The following SLC22A23 variants were observed in gnomAD, a reference collection of about 807,000 sequenced individuals.
SLC22A23 encodes the protein solute carrier family 22 member 23, also known as ion transporter protein.
Under a neutral mutation model 61.0 loss-of-function variants are expected in SLC22A23, and 26 were observed. That is an observed-to-expected ratio of 0.43 (90% CI 0.31 to 0.59). SLC22A23 has a LOEUF of 0.59. Ranked by LOEUF, SLC22A23 falls within the 20% of genes least tolerant of loss-of-function variation. The pLI is 0.11. For synonymous variants in SLC22A23, 430 were observed against 413.9 expected, an observed-to-expected ratio of 1.04 and a Z score of -0.47; for missense variants, 796 against 934.7, an observed-to-expected ratio of 0.85 and a Z score of 1.94.
intron 1 of SLC22A23, among the ~76,000 whole-genome samples, chr6:3,430,722 C>T (rs533140518): frequency 3.3e-4 from 50 of 152,216 alleles, no homozygotes; most frequent in Non-Finnish European, 5.9e-4. Flanking sequence ...GCCAGGAAGA[C>T]CAGAAGGGAT....
chr6:3,369,449 G>A (rs1445823784), intron 3 of SLC22A23, among the ~76,000 whole-genome samples: 1 of 152,256 alleles, frequency 6.6e-6, no homozygotes, highest in East Asian at 1.9e-4. Flanking sequence ...CCAGCACTTC[G>A]GGAGGCCAAG....
chr6:3,405,211 A>G (rs1001983532), intron 3 of SLC22A23, among the ~76,000 whole-genome samples: 1 of 151,962 alleles, frequency 6.6e-6, no homozygotes. Context: ...TAGCGAGCTG[A>G]GATGGCACCA....
At chr6:3,361,296 CTTT>C (rs60401285) in intron 3 of SLC22A23, among the ~76,000 whole-genome samples, 5,016 of 144,948 alleles carry the variant, frequency 0.035, 124 homozygotes, top group African/African-American at 0.076. Context: ...CTACATCATT[CTTT>C]TTTTTTTTTT....
Position 3,297,990 on chromosome 6 carries a change from C to T in SLC22A23, c.1210+101G>A. 2 of 1,356,678 alleles carry T rather than the reference C, an allele frequency of 1.5e-6. No individual in the cohort carries two copies. Among genetic ancestry groups the T allele is most frequent in the Non-Finnish European group, 1.9e-6 (2 of 1,036,848 alleles). The allele number at this position is 1,356,678 out of a possible 1,614,324, so 84.0% of individuals were successfully genotyped here. On this transcript the variant is annotated intron_variant, in intron 5 of 9. Transcript: ENST00000406686. The surrounding 1 kb of genome is among the most constrained non-coding windows in gnomAD (Gnocchi z 4.3). ...GCCAAAAGGTCACAGGAGAATTGCA[C>T]AGCTGGTTAAAACAGCTGTTTGTGC...
chr6:3,277,612 C>T (rs894431465), intron 9 of SLC22A23, among the ~76,000 whole-genome samples: 3 of 152,200 alleles, frequency 2.0e-5, no homozygotes, highest in Non-Finnish European at 2.9e-5. Context: ...CATTGCGTGT[C>T]TGTGTGTCTC....
chr6:3,395,882 A>G (rs966325789), intron 3 of SLC22A23, among the ~76,000 whole-genome samples: 10 of 152,354 alleles, frequency 6.6e-5, no homozygotes, highest in Middle Eastern at 3.4e-3. Flanking sequence ...GAACTCCTGG[A>G]TTGAAATTAT....
At chr6:3,351,843 C>T (rs1031475746) in intron 3 of SLC22A23, among the ~76,000 whole-genome samples, 2 of 152,226 alleles carry the variant, frequency 1.3e-5, no homozygotes, top group African/African-American at 4.8e-5. Flanking sequence ...ATCAAATGTA[C>T]ATGACCCCCA....
intron 3 of SLC22A23, among the ~76,000 whole-genome samples, chr6:3,358,775 G>A (rs1203343885): frequency 6.6e-6 from 1 of 152,100 alleles, no homozygotes; most frequent in African/African-American, 2.4e-5. Flanking sequence ...AAGGCCCCAG[G>A]AGAGTTTCTG....
intron 3 of SLC22A23, among the ~76,000 whole-genome samples, chr6:3,401,529 A>G (rs1171647341): frequency 6.6e-6 from 1 of 152,248 alleles, no homozygotes; most frequent in Admixed American, 6.5e-5. Context: ...TTCACATTAC[A>G]TTAATCACTA....
At chr6:3,334,509 TC>T (rs1763745734) in intron 3 of SLC22A23, among the ~76,000 whole-genome samples, 1 of 151,594 alleles carries the variant, frequency 6.6e-6, no homozygotes, top group Non-Finnish European at 1.5e-5. Context: ...TTTTTTTTTT[TC>T]AATGAAAAAA....
chr6:3,375,052 A>T (rs1301471049), intron 3 of SLC22A23, among the ~76,000 whole-genome samples: 2 of 152,228 alleles, frequency 1.3e-5, no homozygotes, highest in African/African-American at 4.8e-5. Flanking sequence ...GGGAGTAAGG[A>T]TGTCTTGGAA....
At chr6:3,397,486 A>G (rs1022775949) in intron 3 of SLC22A23, among the ~76,000 whole-genome samples, 1 of 152,208 alleles carries the variant, frequency 6.6e-6, no homozygotes, top group African/African-American at 2.4e-5. Flanking sequence ...AGGTCCAGGA[A>G]TTAGAGGTCT....
At chr6:3,430,879 C>T (rs1218364168) in intron 1 of SLC22A23, among the ~76,000 whole-genome samples, 1 of 152,008 alleles carries the variant, frequency 6.6e-6, no homozygotes, top group African/African-American at 2.4e-5. Context: ...CCAGCCTGAC[C>T]AACATGGAGA....
chr6:3,361,062 C>A (rs1177992480), intron 3 of SLC22A23, among the ~76,000 whole-genome samples: 1 of 151,006 alleles, frequency 6.6e-6, no homozygotes, highest in Non-Finnish European at 1.5e-5. Context: ...CTACCCACCC[C>A]CCCCATTTTA....
In SLC22A23 at chr6:3,297,419, A is replaced by G. The variant is rs1433649155; in HGVS notation, c.1210+672T>C. 6.6e-6 allele frequency among the ~76,000 whole-genome samples: 1 copy of G among 152,184 alleles called. No individual in the cohort carries two copies. Among genetic ancestry groups the G allele is most frequent in the East Asian group, 1.9e-4 (1 of 5,196 alleles). On this transcript the variant is annotated intron_variant, in intron 5 of 9. Coordinates refer to ENST00000406686, the MANE Select transcript of SLC22A23 (RefSeq NM_015482.2). This position sits in a 1 kb window ranked among gnomAD's most constrained non-coding sequence, Gnocchi z 4.3. ...AAATCTGTATACCACTTGCATCAGA[A>G]TCTCTTCTAGTGCTTATTAGAAATG... is the stretch of plus-strand genomic sequence containing the variant.
chr6:3,363,668 A>G (rs978004189), intron 3 of SLC22A23, among the ~76,000 whole-genome samples: 2 of 152,222 alleles, frequency 1.3e-5, no homozygotes, highest in African/African-American at 4.8e-5. Flanking sequence ...GCCACCCCAA[A>G]AAGGGAAAAG....
At chr6:3,418,599 G>A (rs910310639) in intron 1 of SLC22A23, among the ~76,000 whole-genome samples, 1 of 152,242 alleles carries the variant, frequency 6.6e-6, no homozygotes, top group African/African-American at 2.4e-5. Context: ...CTGGTTAGAA[G>A]TATTGCTGGC....
chr6:3,329,267 AAGGCCCAT>A lies in SLC22A23; in HGVS notation c.914-5273_914-5266del, dbSNP rs2127407046. Reference sequence around the variant, plus strand: ...TTTTGAAGCCAATCTTTGAAAAAAAAAGGCCCATCCTCCCATAATGCACAAATGAATAA... The same window carrying A: ...TTTTGAAGCCAATCTTTGAAAAAAAACCTCCCATAATGCACAAATGAATAA... On this transcript the variant is annotated intron_variant, in intron 3 of 9. Coordinates refer to ENST00000406686, the MANE Select transcript of SLC22A23 (RefSeq NM_015482.2). This position sits in a 1 kb window ranked among gnomAD's most constrained non-coding sequence, Gnocchi z 4.8. 6.6e-6 allele frequency among the ~76,000 whole-genome samples: 1 copy of A among 152,320 alleles called. No individual in the cohort carries two copies. Among genetic ancestry groups the A allele is most frequent in the Admixed American group, 6.5e-5 (1 of 15,298 alleles).
chr6:3,286,942 C>T lies in SLC22A23; in HGVS notation c.1463G>A (p.Arg488Gln), dbSNP rs962437281. The change falls in exon 7 of 10, where the codon CGA becomes CAA. Residue 488 changes from arginine to glutamine, a missense_variant. Arg to Gln is a conservative substitution (Grantham distance 43). Coordinates refer to ENST00000406686, the MANE Select transcript of SLC22A23 (RefSeq NM_015482.2). The surrounding 1 kb of genome is among the most constrained non-coding windows in gnomAD (Gnocchi z 4.2). ...CAGCCCTCCCCTGCGCCCGAGGAAT[C>T]GGACCACCACGCACATGGCCAGGCA... ...VSCLAMCVVV[R>Q]FLGRRGGLLL... The T allele has an allele frequency of 7.4e-6, 12 of 1,613,874 alleles. No homozygotes were observed. Among genetic ancestry groups the T allele is most frequent in the African/African-American group, 5.3e-5 (4 of 74,948 alleles).
Sources: gnomAD v4.1 joint callset for allele counts (sites outside exome capture counted in the v4.1 genomes callset) on GRCh38, gnomAD v4.1.1 for gene constraint, Gnocchi (gnomAD v3.1) non-coding constraint, MANE v1.5 for transcripts, NCBI Gene and HGNC (gene_info 2026-07-23, HGNC 2026-07-21) for gene names.